Variants in CAMSAP3 observed in about 807,000 individuals in gnomAD.
The protein encoded by CAMSAP3 is calmodulin regulated spectrin associated protein family member 3.
Under a neutral mutation model 112.5 loss-of-function variants are expected in CAMSAP3, and 34 were observed. The observed-to-expected ratio is 0.30, with a 90% CI of 0.23 to 0.40. The LOEUF is 0.40. CAMSAP3 is among the 10% of genes least tolerant of loss of function. CAMSAP3 has a pLI of 1.00. For synonymous variants in CAMSAP3, 868 were observed against 799.8 expected (o/e 1.09, Z -1.44); for missense variants, 1,602 against 1,770.3 (o/e 0.90, Z 1.71).
In CAMSAP3 at chr19:7,607,338, C is replaced by T. The variant is rs771443580; in HGVS notation, c.621+767C>T. On this transcript the variant is annotated intron_variant, in intron 4 of 16. Coordinates refer to ENST00000160298, the MANE Select transcript of CAMSAP3 (RefSeq NM_020902.2). The surrounding 1 kb of genome is among the most constrained non-coding windows in gnomAD (Gnocchi z 4.9). ...CAGCTTTGAAAAGGAGGAGGAGGCCCATCCCTGAAGCTGGAAGTTGAAATT... is the reference window on the plus strand; with the variant it reads ...CAGCTTTGAAAAGGAGGAGGAGGCCTATCCCTGAAGCTGGAAGTTGAAATT... Among the ~76,000 whole-genome samples the T allele has an allele frequency of 2.0e-5, 3 of 152,200 alleles. No homozygotes were observed. The highest frequency in any genetic ancestry group is 6.5e-5 in the Admixed American group (1 of 15,282).
At position 7,615,083 on chromosome 19, in the gene CAMSAP3, A is replaced by G; in HGVS notation, c.2671-100A>G. 1 of 1,432,780 alleles carries G rather than the reference A, an allele frequency of 7.0e-7. No individual in the cohort carries two copies. Among genetic ancestry groups the G allele is most frequent in the South Asian group, 1.2e-5 (1 of 80,818 alleles). The allele number at this position is 1,432,780 out of a possible 1,614,324, so 88.8% of individuals were successfully genotyped here. ...TGCATTTAGAACAATGATGAAAACA[A>G]AAGCACAGGTGGGTGGCGGGCAGGC... On this transcript the variant is annotated intron_variant, in intron 11 of 16. Transcript: ENST00000160298. The surrounding 1 kb of genome is among the most constrained non-coding windows in gnomAD (Gnocchi z 6.5).
intron 5 of CAMSAP3, 64 bp downstream of exon 5, chr19:7,608,328 T>C: frequency 6.4e-7 from 1 of 1,552,966 alleles, no homozygotes; most frequent in Non-Finnish European, 8.8e-7. Flanking sequence ...TCCCAGCCCC[T>C]AGACCCTCCA....
chr19:7,603,090 G>C (rs779900218), intron 1 of CAMSAP3, among the ~76,000 whole-genome samples: 36 of 152,194 alleles, frequency 2.4e-4, no homozygotes, highest in Non-Finnish European at 4.3e-4. Context: ...AAAGGAGCCA[G>C]GACAGGGAGG....
In CAMSAP3 at chr19:7,608,112, G is replaced by A; in HGVS notation, c.622-14G>A. ...CCAGCCTGGCCACTCACCTGACCTG[G>A]CTCCCATCTGCAGATCCGATACCGC... On this transcript the variant is annotated splice_polypyrimidine_tract_variant and intron_variant, in intron 4 of 16. Transcript: ENST00000160298. The A allele has an allele frequency of 1.9e-6, 3 of 1,608,110 alleles. No homozygotes were observed. Among genetic ancestry groups the A allele is most frequent in the Non-Finnish European group, 2.5e-6 (3 of 1,177,796 alleles).
chr19:7,601,401 C>G (rs896793530), intron 1 of CAMSAP3, among the ~76,000 whole-genome samples: 6 of 152,152 alleles, frequency 3.9e-5, no homozygotes, highest in African/African-American at 1.4e-4. Context: ...TCACCACAGC[C>G]TCCGTCTCCT....
chr19:7,597,489 C>G (rs2024464439), intron 1 of CAMSAP3, among the ~76,000 whole-genome samples: 1 of 152,198 alleles, frequency 6.6e-6, no homozygotes, highest in African/African-American at 2.4e-5. Flanking sequence ...ATCTGAGCTT[C>G]TGTTTCCCCT....
At chr19:7,606,618 C>G (rs982049046) in intron 4 of CAMSAP3, 47 bp downstream of exon 4, 1 of 1,521,028 alleles carries the variant, frequency 6.6e-7, no homozygotes, top group Non-Finnish European at 8.8e-7. Context: ...GACCGGAGAT[C>G]TGGGAGGGCA....
chr19:7,611,774 C>T lies in CAMSAP3; in HGVS notation c.1281C>T (p.Leu427=), dbSNP rs903418550. 2.5e-6 allele frequency: 4 copies of T among 1,596,140 alleles called. No homozygotes were observed. Among genetic ancestry groups the T allele is most frequent in the South Asian group, 1.1e-5 (1 of 88,582 alleles). Residue 427 remains leucine (L), a synonymous_variant, in exon 11 of 17, where the codon CTC becomes CTT. Transcript: ENST00000160298. The surrounding 1 kb of genome is among the most constrained non-coding windows in gnomAD (Gnocchi z 6.9). ...VDVVMGDPVL[L]RSVSSDSLGP... Reference sequence around the variant, plus strand: ...TCGTCATGGGAGACCCTGTGCTCCTCCGCTCTGTGAGCTCGGACAGCCTGG... The same window carrying T: ...TCGTCATGGGAGACCCTGTGCTCCTTCGCTCTGTGAGCTCGGACAGCCTGG...
chr19:7,610,582 T>G lies in CAMSAP3; in HGVS notation c.867T>G (p.Leu289=). The change falls in exon 6 of 17, where the codon CTT becomes CTG. Residue 289 remains leucine, a synonymous_variant. Transcript: ENST00000160298. This position sits in a 1 kb window ranked among gnomAD's most constrained non-coding sequence, Gnocchi z 4.9. ...TTCCTCGTGGCTGCCCCCTGTCCCTTGAGGACTTGCTGTACGTCCCACCGC... is the reference window on the plus strand; with the variant it reads ...TTCCTCGTGGCTGCCCCCTGTCCCTGGAGGACTTGCTGTACGTCCCACCGC... ...SRLPRGCPLS[L]EDLLYVPPPL... is the part of the protein sequence containing the mutation. 6.2e-7 allele frequency: 1 copy of G among 1,613,456 alleles called. No individual in the cohort carries two copies. The highest frequency in any genetic ancestry group is 1.1e-5 in the South Asian group (1 of 91,078).
intron 2 of CAMSAP3, 68 bp from the exon 3 acceptor site, chr19:7,606,203 G>T: frequency 7.8e-7 from 1 of 1,279,906 alleles, no homozygotes; most frequent in Non-Finnish European, 1.0e-6. Flanking sequence ...CCTTTTCCCA[G>T]GCCCTTGGGG....
At chr19:7,606,685 T>A in intron 4 of CAMSAP3, 114 bp downstream of exon 4, 1 of 1,578,984 alleles carries the variant, frequency 6.3e-7, no homozygotes, top group South Asian at 1.1e-5. Flanking sequence ...TGACACACTC[T>A]CTCTTTCTTC....
chr19:7,604,059 C>T (rs969418668), intron 1 of CAMSAP3, among the ~76,000 whole-genome samples: 12 of 152,110 alleles, frequency 7.9e-5, no homozygotes, highest in African/African-American at 1.4e-4. Context: ...CATTCGAGCC[C>T]GGGAGGCAGA....
rs765426904 is a variant in CAMSAP3, at chr19:7,606,368, A to C, written c.500A>C (p.His167Pro). The C allele has an allele frequency of 5.0e-6, 8 of 1,613,586 alleles. No homozygotes were observed. In the African/African-American group the frequency reaches 1.1e-4, roughly 22 times the overall value. ...PGPLALTSLEHKLLFWVDTTV... is the reference protein window; with the variant it reads ...PGPLALTSLEPKLLFWVDTTV... ...CCCTTGGCCCTGACCAGCTTGGAGC[A>C]CAAGCTGCTTTTCTGGGTGGACACG... Residue 167 changes from histidine (H) to proline (P), a missense_variant, in exon 3 of 17, where the codon CAC (histidine) becomes CCC (proline). This residue lies in a region of CAMSAP3 where 112 missense variants were observed against 94.2 expected (regional missense o/e 1.19). Transcript: ENST00000160298.
chr19:7,612,310 G>T lies in CAMSAP3; in HGVS notation c.1817G>T (p.Arg606Leu), dbSNP rs759335154. The T allele has an allele frequency of 1.2e-6, 2 of 1,605,066 alleles. No individual in the cohort carries two copies. The highest frequency in any genetic ancestry group is 1.7e-5 in the Admixed American group (1 of 59,332). ...TCGGAGATGAGTGAGCTCAGCGCCC[G>T]GCTGGAGGAGAAACGCAGAGCCATC... ...LSSEMSELSA[R>L]LEEKRRAIEA... Residue 606 changes from arginine (R) to leucine (L), a missense_variant, in exon 11 of 17, where the codon CGG becomes CTG. Around this residue, in one of 6 missense-constraint regions of CAMSAP3, gnomAD observed 1,100 missense variants for 1,135.7 expected, o/e 0.97. Coordinates refer to ENST00000160298, the MANE Select transcript of CAMSAP3 (RefSeq NM_020902.2).
In CAMSAP3 at chr19:7,617,682, G is replaced by A; in HGVS notation, c.3444+21G>A. The stretch of plus-strand genomic sequence containing the variant: ...TGGAGGTGAGCCCGCCCACACGTGG[G>A]AGTTGGGGGCTGGTGGGTGGGTGGG... On this transcript the variant is annotated intron_variant, in intron 16 of 16. Coordinates refer to ENST00000160298, the MANE Select transcript of CAMSAP3 (RefSeq NM_020902.2). This position sits in a 1 kb window ranked among gnomAD's most constrained non-coding sequence, Gnocchi z 7.5. 1 of 1,613,050 alleles carries A rather than the reference G, an allele frequency of 6.2e-7. No individual in the cohort carries two copies. The highest frequency in any genetic ancestry group is 8.5e-7 in the Non-Finnish European group (1 of 1,179,078).
At chr19:7,597,285 C>T (rs2024460994) in intron 1 of CAMSAP3, among the ~76,000 whole-genome samples, 1 of 152,122 alleles carries the variant, frequency 6.6e-6, no homozygotes, top group African/African-American at 2.4e-5. Context: ...CTGCGTCGTT[C>T]CATGCATGCA....
rs1288469230 is a variant in CAMSAP3 at position 7,612,474 on chromosome 19, GTCC to G, written c.1982_1984del (p.Val661_Pro662delinsAla). 6.4e-7 allele frequency: 1 copy of G among 1,566,832 alleles called. No homozygotes were observed. The highest frequency in any genetic ancestry group is 1.2e-5 in the South Asian group (1 of 86,068). ...GGCGGAGGAGGCCGATTCCGGTCCA[GTCC>G]CTGGTGGGGAGCGGCCCGCAGGCGA... On this transcript the variant is annotated inframe_deletion, in exon 11 of 17. Transcript: ENST00000160298.
chr19:7,616,511 C>G lies in CAMSAP3; in HGVS notation c.3113-12C>G, dbSNP rs1490354181. ...CTTCTGGTGGGCACTGACCTGCAAT[C>G]TCTGTCCCCAGGCTCTCGGCTGAGC... On this transcript the variant is annotated splice_polypyrimidine_tract_variant and intron_variant, in intron 13 of 16. Transcript: ENST00000160298. The G allele has an allele frequency of 1.9e-6, 3 of 1,601,522 alleles. No individual in the cohort carries two copies.
At position 7,612,856 on chromosome 19, in the gene CAMSAP3, A is replaced by G; in HGVS notation, c.2363A>G (p.Glu788Gly). 6.3e-7 allele frequency: 1 copy of G among 1,597,174 alleles called. No individual in the cohort carries two copies. The highest frequency in any genetic ancestry group is 8.5e-7 in the Non-Finnish European group (1 of 1,173,562). ...AGCCCGAAACACACGCGGCCAGCGG[A>G]GCTGCGGCTGGCACCCTTGACCAGG... ...PRSPKHTRPAELRLAPLTRVL... is the reference protein window; with the variant it reads ...PRSPKHTRPAGLRLAPLTRVL... The change falls in exon 11 of 17, where the codon GAG (glutamate) becomes GGG (glycine). Residue 788 changes from glutamate to glycine, a missense_variant. By Grantham distance (98) the Glu-to-Gly change is moderately conservative. Around this residue, in one of 6 missense-constraint regions of CAMSAP3, gnomAD observed 1,100 missense variants for 1,135.7 expected, o/e 0.97. Coordinates refer to ENST00000160298, the MANE Select transcript of CAMSAP3 (RefSeq NM_020902.2).
Sources: gnomAD v4.1 joint callset for allele counts (sites outside exome capture counted in the v4.1 genomes callset) on GRCh38, gnomAD v4.1.1 for gene constraint, gnomAD v4.1.1 regional missense constraint, Gnocchi (gnomAD v3.1) non-coding constraint, MANE v1.5 for transcripts, NCBI Gene and HGNC (gene_info 2026-07-23, HGNC 2026-07-21) for gene names.